The following CCT2 variants were observed in gnomAD, a reference collection of about 807,000 sequenced individuals.
CCT2 encodes the protein T-complex protein 1 subunit beta.
A neutral mutation model predicts 61.8 loss-of-function variants in CCT2; 18 were observed. That is an observed-to-expected ratio of 0.29 (90% CI 0.20 to 0.43). The LOEUF (loss-of-function observed/expected upper bound fraction) is 0.43. Ranked by LOEUF, CCT2 falls within the 20% of genes least tolerant of loss-of-function variation. CCT2 has a pLI of 1.00. For missense variants in CCT2, 556 were observed against 656.9 expected, an observed-to-expected ratio of 0.85 and a Z score of 1.68; for synonymous variants, 248 against 215.9, an observed-to-expected ratio of 1.15 and a Z score of -1.30.
intron 15 of CCT2, 46 bp from the exon 16 acceptor site, chr12:69,601,249 T>A: frequency 1.4e-6 from 2 of 1,465,406 alleles, no homozygotes; most frequent in South Asian, 2.5e-5. Flanking sequence ...TTGGATAAAA[T>A]CATGCTCTTC....
chr12:69,597,880 A>T (rs11832926), intron 12 of CCT2, 88 bp from the exon 13 acceptor site: 283,857 of 1,418,522 alleles, frequency 0.2, 29,505 homozygotes, highest in Middle Eastern at 0.29. Context: ...ACTAAATTTT[A>T]AAATGCTTGG....
At position 69,585,496 on chromosome 12, in the gene CCT2, ACTTGTGTG is replaced by A. The variant is rs1395711296; in HGVS notation, c.-24_-17del. ...CCGAGCACGAGCTGTGAGGGGATTC[ACTTGTGTG>A]CGGAACTCCTCGGAACCATGGTGAG... On this transcript the variant is annotated 5_prime_UTR_variant, in exon 1 of 16. Transcript: ENST00000299300. The A allele has an allele frequency of 6.4e-7, 1 of 1,562,978 alleles. No individual in the cohort carries two copies. Among genetic ancestry groups the A allele is most frequent in the East Asian group, 2.4e-5 (1 of 42,156 alleles).
chr12:69,586,340 G>A lies in CCT2; in HGVS notation c.74G>A (p.Arg25His). 6.2e-7 allele frequency: 1 copy of A among 1,607,484 alleles called. No homozygotes were observed. Among genetic ancestry groups the A allele is most frequent in the Non-Finnish European group, 8.5e-7 (1 of 1,174,062 alleles). The change falls in exon 2 of 16, where the codon CGT becomes CAT. Residue 25 changes from arginine to histidine, a missense_variant. Arg to His is a conservative substitution (Grantham distance 29). Around this residue, in one of 3 missense-constraint regions of CCT2, gnomAD observed 308 missense variants for 350.6 expected, o/e 0.88. Coordinates refer to ENST00000299300, the MANE Select transcript of CCT2 (RefSeq NM_006431.3). Reference protein sequence around the residue: ...GADEERAETARLTSFIGAIAI... With the variant: ...GADEERAETAHLTSFIGAIAI... ...GATGAAGAGAGAGCAGAGACAGCTCGTCTGGTAAGCCTTGTTCTAAGCATT... is the reference window on the plus strand; with the variant it reads ...GATGAAGAGAGAGCAGAGACAGCTCATCTGGTAAGCCTTGTTCTAAGCATT...
chr12:69,587,030 T>C (rs1168049576), intron 3 of CCT2: 1 of 436,688 alleles, frequency 2.3e-6, no homozygotes, highest in East Asian at 3.6e-5. Flanking sequence ...CATTTGCACG[T>C]ACATCTTCTA....
chr12:69,585,530 C>T lies in CCT2; in HGVS notation c.3+6C>T, dbSNP rs1368577713. The T allele has an allele frequency of 1.3e-6, 2 of 1,570,250 alleles. No individual in the cohort carries two copies. Among genetic ancestry groups the T allele is most frequent in the Non-Finnish European group, 1.7e-6 (2 of 1,156,772 alleles). On this transcript the variant is annotated splice_donor_region_variant and intron_variant, in intron 1 of 15. Transcript: ENST00000299300. ...CGGAACTCCTCGGAACCATGGTGAG[C>T]CTGACTCCCCTGCCTCTTGCCCTAC... is the stretch of plus-strand genomic sequence containing the variant.
At chr12:69,601,228 A>G (rs1285008403) in intron 15 of CCT2, 67 bp from the exon 16 acceptor site, 3 of 1,232,842 alleles carry the variant, frequency 2.4e-6, no homozygotes, top group Admixed American at 2.3e-5. Context: ...GTTTGTATTT[A>G]GTATAATACT....
chr12:69,589,615 T>C lies in CCT2; in HGVS notation c.577T>C (p.Ser193Pro). 3 of 1,614,132 alleles carry C rather than the reference T, an allele frequency of 1.9e-6. No individual in the cohort carries two copies. Among genetic ancestry groups the C allele is most frequent in the Non-Finnish European group, 2.5e-6 (3 of 1,180,018 alleles). ...AGAAGCAGTTCTCAGACTGAAAGGC[T>C]CTGGCAACCTGGAGGCAATTCATAT... ...AVEAVLRLKGSGNLEAIHIIK... is the reference protein window; with the variant it reads ...AVEAVLRLKGPGNLEAIHIIK... Residue 193 changes from serine to proline, a missense_variant, in exon 7 of 16, where the codon TCT becomes CCT. Ser to Pro is a moderately conservative substitution (Grantham distance 74). Around this residue, in one of 3 missense-constraint regions of CCT2, gnomAD observed 308 missense variants for 350.6 expected, o/e 0.88. Transcript: ENST00000299300.
rs749227685 is a variant in CCT2 at position 69,599,933 on chromosome 12, G to C, written c.1506G>C (p.Gln502His). The C allele has an allele frequency of 6.2e-7, 1 of 1,614,042 alleles. No homozygotes were observed. The highest frequency in any genetic ancestry group is 8.5e-7 in the Non-Finnish European group (1 of 1,179,906). ...CAGAAAGTTTTCAAGTGAAGCGACA[G>C]GTTCTTCTGAGTGCAGCTGAAGCAG... ...GITESFQVKR[Q>H]VLLSAAEAAE... Residue 502 changes from glutamine to histidine, a missense_variant, in exon 15 of 16, where the codon CAG becomes CAC. Around this residue, in one of 3 missense-constraint regions of CCT2, gnomAD observed 225 missense variants for 249.8 expected, o/e 0.90. Coordinates refer to ENST00000299300, the MANE Select transcript of CCT2 (RefSeq NM_006431.3).
At chr12:69,597,363 A>G (rs548827604) in intron 11 of CCT2, 88 bp downstream of exon 11, 22 of 1,452,792 alleles carry the variant, frequency 1.5e-5, no homozygotes, top group South Asian at 4.9e-5. Context: ...CTAGAATAGC[A>G]TATCTTACAA....
chr12:69,593,871 C>G (rs929071153), intron 10 of CCT2, among the ~76,000 whole-genome samples: 2 of 152,050 alleles, frequency 1.3e-5, no homozygotes, highest in Admixed American at 6.6e-5. Context: ...GGTGCAGTGG[C>G]TTGTGCCTGT....
At chr12:69,597,875 A>C in intron 12 of CCT2, 93 bp from the exon 13 acceptor site, 1 of 1,426,016 alleles carries the variant, frequency 7.0e-7, no homozygotes. Context: ...TTTGCACTAA[A>C]TTTTAAAATG....
chr12:69,601,570 A>T lies in CCT2; in HGVS notation c.*245A>T. 1 of 1,281,578 alleles carries T rather than the reference A, an allele frequency of 7.8e-7. No homozygotes were observed. The highest frequency in any genetic ancestry group is 1.0e-6 in the Non-Finnish European group (1 of 979,690). The allele number at this position is 1,281,578 out of a possible 1,614,324, so 79.4% of individuals were successfully genotyped here. A position where few individuals can be genotyped will look rare whatever the true frequency, so the allele number is the denominator to read the frequency against. On this transcript the variant is annotated 3_prime_UTR_variant, in exon 16 of 16. Coordinates refer to ENST00000299300, the MANE Select transcript of CCT2 (RefSeq NM_006431.3). ...CATTAAAATAAAAATTTGAACAATTACTTGGTTCTTATGTCTTATATGTGT... is the reference window on the plus strand; with the variant it reads ...CATTAAAATAAAAATTTGAACAATTTCTTGGTTCTTATGTCTTATATGTGT...
At chr12:69,592,510 T>C (rs938307555) in intron 8 of CCT2, 1 of 180,142 alleles carries the variant, frequency 5.6e-6, no homozygotes, top group Non-Finnish European at 1.2e-5. Flanking sequence ...AAAAAATTGC[T>C]GGATTCTATA....
rs1297669589 is a variant in CCT2 at position 69,598,427 on chromosome 12, C to T, written c.1435+6C>T. 3 of 1,540,430 alleles carry T rather than the reference C, an allele frequency of 1.9e-6. No homozygotes were observed. Among genetic ancestry groups the T allele is most frequent in the Admixed American group, 4.2e-5 (2 of 47,516 alleles). ...CAATACCACTGCTGGATTGGGTAAG[C>T]AATCAAGGGGAACTTTGTGGCCGTT... On this transcript the variant is annotated splice_donor_region_variant and intron_variant, in intron 14 of 15. Transcript: ENST00000299300.
intron 7 of CCT2, among the ~76,000 whole-genome samples, chr12:69,590,835 G>A (rs2135852797): frequency 6.6e-6 from 1 of 151,756 alleles, no homozygotes; most frequent in South Asian, 2.1e-4. Flanking sequence ...TCCTGCCTCA[G>A]CCTCCTGAGT....
intron 1 of CCT2, 184 bp downstream of exon 1, chr12:69,585,708 G>C (rs564805236): frequency 1.8e-5 from 27 of 1,484,352 alleles, no homozygotes; most frequent in Admixed American, 6.8e-5. Context: ...CTCACCACGA[G>C]GGGGAGGGGT....
intron 15 of CCT2, among the ~76,000 whole-genome samples, chr12:69,601,037 C>A (rs529169764): frequency 6.6e-6 from 1 of 152,218 alleles, no homozygotes; most frequent in East Asian, 1.9e-4. Flanking sequence ...TTCCTCCTCA[C>A]CTAAAGCCAG....
intron 4 of CCT2, 95 bp from the exon 5 acceptor site, chr12:69,587,835 G>T: frequency 9.7e-7 from 1 of 1,027,198 alleles, no homozygotes. Flanking sequence ...TGTTGAATGA[G>T]GAACCCTGGT....
rs1189298751 is a variant in CCT2 at position 69,585,744 on chromosome 12, T to G, written c.3+220T>G. The G allele has an allele frequency of 3.5e-6, 5 of 1,442,902 alleles. No homozygotes were observed. In the African/African-American group the frequency reaches 5.7e-5, roughly 16 times the overall value. 89.4% of individuals were successfully genotyped at this position (1,442,902 alleles called of 1,614,324 possible). A position where few individuals can be genotyped will look rare whatever the true frequency, so the allele number is the denominator to read the frequency against. ...GGACCGCAAAGCCAGCGTCTCCTTG[T>G]GCCTAGGTCTTTGCATAGTCCCGGC... is the stretch of plus-strand genomic sequence containing the variant. On this transcript the variant is annotated intron_variant, in intron 1 of 15. Transcript: ENST00000299300.
Sources: allele counts gnomAD v4.1 joint callset (sites outside exome capture counted in the v4.1 genomes callset), GRCh38; gene constraint gnomAD v4.1.1; regional missense constraint gnomAD v4.1.1; transcripts MANE v1.5; gene names NCBI Gene and HGNC (gene_info 2026-07-23, HGNC 2026-07-21).